The following ZNF385A variants were observed in gnomAD, a reference collection of about 807,000 sequenced individuals.
ZNF385A encodes hematopoietic zinc finger protein.
Under a neutral mutation model 32.1 loss-of-function variants are expected in ZNF385A, and 14 were observed. The observed-to-expected ratio is 0.44, with a 90% CI of 0.29 to 0.68. The LOEUF is 0.68. Among genes scored for constraint, ZNF385A ranks in the 30% least tolerant of loss-of-function variants. The probability of loss-of-function intolerance (pLI) is 0.14; values close to 1 mark genes in which losing one functional copy is unlikely to be tolerated. For missense variants in ZNF385A, 406 were observed against 478.4 expected, an observed-to-expected ratio of 0.85 and a Z score of 1.41; for synonymous variants, 197 against 202.7, an observed-to-expected ratio of 0.97 and a Z score of 0.24.
chr12:54,376,007 C>A, intron 1 of ZNF385A, 53 bp from the exon 2 acceptor site: 1 of 1,437,580 alleles, frequency 7.0e-7, no homozygotes. Flanking sequence ...TCATGTCCAG[C>A]ATTCCCCCAA....
chr12:54,388,046 AGTGTGTGT>A (rs10665764), upstream of ZNF385A, among the ~76,000 whole-genome samples: 429 of 140,508 alleles, frequency 3.1e-3, 3 homozygotes, highest in East Asian at 6.3e-3. Context: ...AGTGTGTGTA[AGTGTGTGT>A]GTGTGTGTGT....
intron 1 of ZNF385A, chr12:54,379,284 C>T: frequency 1.4e-6 from 1 of 695,818 alleles, no homozygotes; most frequent in Non-Finnish European, 1.8e-6. Flanking sequence ...GGGACAGGGA[C>T]AGGGACAGGG....
chr12:54,381,024 T>G (rs1175826313), intron 1 of ZNF385A, among the ~76,000 whole-genome samples: 25 of 151,746 alleles, frequency 1.6e-4, no homozygotes, highest in Admixed American at 1.6e-3. Flanking sequence ...GGTGAAGCCC[T>G]GTCTCTACTA....
At chr12:54,391,132 G>A in intron 1 of ZNF385A, 1 of 1,270,212 alleles carries the variant, frequency 7.9e-7, no homozygotes, top group Non-Finnish European at 1.1e-6. Context: ...GCTGACGGGC[G>A]GCCGCAGTCA....
intron 1 of ZNF385A, chr12:54,381,445 T>G (rs1275457316): frequency 6.6e-6 from 1 of 152,246 alleles, no homozygotes; most frequent in Non-Finnish European, 1.5e-5. Context: ...AGCCATGAAC[T>G]CTGCAGGAGT....
chr12:54,380,450 TC>T (rs1955091943), intron 1 of ZNF385A, among the ~76,000 whole-genome samples: 3 of 152,194 alleles, frequency 2.0e-5, no homozygotes. Flanking sequence ...GCAGTCTGAC[TC>T]CAAAGCCACG....
chr12:54,390,014 A>G (rs1474810187), intron 1 of ZNF385A, among the ~76,000 whole-genome samples: 1 of 152,164 alleles, frequency 6.6e-6, no homozygotes, highest in Non-Finnish European at 1.5e-5. Context: ...TAGGTAGTCA[A>G]CAGGGATAGG....
chr12:54,384,482 C>T lies in ZNF385A; in HGVS notation c.33G>A (p.Leu11=), dbSNP rs1319952943. 1.3e-6 allele frequency: 2 copies of T among 1,584,470 alleles called. No homozygotes were observed. Among genetic ancestry groups the T allele is most frequent in the East Asian group, 2.3e-5 (1 of 42,896 alleles). ...TAGGGGCTGGCTCGAGTGGGAAGGG[C>T]AGGATCTGCTTGAGGTCCAGTGGGG... MQPPLDLKQI[L]PFPLEPAPTL... The change falls in exon 1 of 7, where the codon CTG becomes CTA. Residue 11 remains leucine (L), a synonymous_variant. Transcript: ENST00000394313.
chr12:54,373,695 A>G (rs1016396240), intron 3 of ZNF385A, among the ~76,000 whole-genome samples: 1 of 151,982 alleles, frequency 6.6e-6, no homozygotes, highest in African/African-American at 2.4e-5. Flanking sequence ...TTTCTTGGGG[A>G]TGTTTGCCAG....
chr12:54,379,110 G>C, intron 1 of ZNF385A: 1 of 981,520 alleles, frequency 1.0e-6, no homozygotes, highest in Non-Finnish European at 1.2e-6. Flanking sequence ...CGGGGTGGCG[G>C]ACCCGGGCTG....
rs1378516148 is a variant in ZNF385A at position 54,373,992 on chromosome 12, A to G, written c.342T>C (p.Asp114=). The change falls in exon 3 of 7, where the codon GAT becomes GAC. Residue 114 remains aspartate, a synonymous_variant. Coordinates refer to ENST00000394313, the MANE Select transcript of ZNF385A (RefSeq NM_015481.3). ...APPGSTPTNG[D]GVAPRPVSME... ...ACACACCTGGACGGGGTGCTACACCATCCCCATTTGTTGGGGTGCTGCCTG... is the reference window on the plus strand; with the variant it reads ...ACACACCTGGACGGGGTGCTACACCGTCCCCATTTGTTGGGGTGCTGCCTG... 2 of 1,571,740 alleles carry G rather than the reference A, an allele frequency of 1.3e-6. No individual in the cohort carries two copies. Among genetic ancestry groups the G allele is most frequent in the African/African-American group, 1.4e-5 (1 of 73,542 alleles).
chr12:54,371,406 A>G (rs745601491), intron 4 of ZNF385A, 67 bp downstream of exon 4: 2 of 1,562,630 alleles, frequency 1.3e-6, no homozygotes, highest in Admixed American at 2.0e-5. Context: ...AGCCAGGGGC[A>G]TTAGGATGTA....
intron 1 of ZNF385A, among the ~76,000 whole-genome samples, chr12:54,378,642 G>A (rs1954968180): frequency 6.6e-6 from 1 of 152,154 alleles, no homozygotes; most frequent in Non-Finnish European, 1.5e-5. Context: ...TGGAATCTCA[G>A]GGATGGGAAG....
upstream of ZNF385A, chr12:54,384,865 T>G: frequency 8.9e-7 from 1 of 1,117,866 alleles, no homozygotes; most frequent in Non-Finnish European, 1.1e-6. Flanking sequence ...ATACCTTTTC[T>G]GCAGGCTGCC....
intron 1 of ZNF385A, among the ~76,000 whole-genome samples, chr12:54,377,150 ACT>A (rs1479005583): frequency 6.6e-6 from 1 of 151,818 alleles, no homozygotes; most frequent in Admixed American, 6.6e-5. Flanking sequence ...TGTCCTCTGG[ACT>A]CTCCTTTCCT....
At chr12:54,387,188 G>A (rs1955511787), upstream of ZNF385A, among the ~76,000 whole-genome samples, 2 of 152,208 alleles carry the variant, frequency 1.3e-5, no homozygotes, top group Admixed American at 1.3e-4. Context: ...TTTTCCTCCA[G>A]AGGAGGGATA....
At chr12:54,389,497 A>G (rs1396115553), upstream of ZNF385A, among the ~76,000 whole-genome samples, 1 of 152,186 alleles carries the variant, frequency 6.6e-6, no homozygotes, top group Non-Finnish European at 1.5e-5. Flanking sequence ...GGGGGATGTG[A>G]GGGTACCACT....
At chr12:54,378,604 C>A (rs569497925) in intron 1 of ZNF385A, among the ~76,000 whole-genome samples, 1 of 152,010 alleles carries the variant, frequency 6.6e-6, no homozygotes, top group South Asian at 2.1e-4. Flanking sequence ...CCCCACCCAC[C>A]AAAATTAAGA....
At chr12:54,376,470 G>C (rs1300384773) in intron 1 of ZNF385A, among the ~76,000 whole-genome samples, 3 of 152,102 alleles carry the variant, frequency 2.0e-5, no homozygotes, top group African/African-American at 7.2e-5. Context: ...TCCCAACTCT[G>C]GATCCCTGGT....
Sources: gnomAD v4.1 joint callset for allele counts (sites outside exome capture counted in the v4.1 genomes callset) on GRCh38, gnomAD v4.1.1 for gene constraint, MANE v1.5 for transcripts, NCBI Gene and HGNC (gene_info 2026-07-23, HGNC 2026-07-21) for gene names.